Variants in ZPBP observed in about 807,000 individuals in gnomAD.
ZPBP encodes zona pellucida-binding protein 1.
ZPBP carries 26 observed loss-of-function variants against 44.8 expected under a neutral mutation model. The ratio of observed to expected loss-of-function variants is 0.58; its 90% CI spans 0.43 to 0.81. The LOEUF is 0.81. Among genes scored for constraint, ZPBP ranks in the 30% least tolerant of loss-of-function variants. ZPBP has a pLI of 0.00. For missense variants in ZPBP, 409 were observed against 434.0 expected, an observed-to-expected ratio of 0.94 and a Z score of 0.51; for synonymous variants, 174 against 153.2, an observed-to-expected ratio of 1.14 and a Z score of -1.00.
chr7:50,016,266 T>C (rs66887027), intron 6 of ZPBP, among the ~76,000 whole-genome samples: 43,907 of 152,074 alleles, frequency 0.29, 6,992 homozygotes, highest in Non-Finnish European at 0.37. Context: ...TGCAGCAACA[T>C]GAATGCAGCT....
downstream of ZPBP, among the ~76,000 whole-genome samples, chr7:49,847,492 G>T (rs112009281): frequency 2.5e-3 from 379 of 152,172 alleles, 4 homozygotes; most frequent in African/African-American, 8.6e-3. Flanking sequence ...AAGGGCAAGG[G>T]TTTGAAAATG....
chr7:49,854,521 G>A (rs1790333869), intron 2 of ZPBP, among the ~76,000 whole-genome samples: 1 of 152,158 alleles, frequency 6.6e-6, no homozygotes, highest in African/African-American at 2.4e-5. Context: ...CTTTTGAGAA[G>A]TGTCTGTTCA....
chr7:49,894,745 A>C (rs1228382956), intron 2 of ZPBP, among the ~76,000 whole-genome samples: 1 of 152,186 alleles, frequency 6.6e-6, no homozygotes, highest in Non-Finnish European at 1.5e-5. Context: ...ACACAGGAGC[A>C]GCCAGGAGGG....
chr7:49,974,989 C>G (rs1435174352), intron 7 of ZPBP, among the ~76,000 whole-genome samples: 3 of 152,066 alleles, frequency 2.0e-5, no homozygotes, highest in African/African-American at 7.2e-5. Flanking sequence ...ACCCACTTTG[C>G]TTTTATCCTC....
At chr7:49,857,530 C>T (rs549869909) in intron 2 of ZPBP, among the ~76,000 whole-genome samples, 20 of 150,744 alleles carry the variant, frequency 1.3e-4, no homozygotes, top group Middle Eastern at 3.4e-3. Context: ...TACAGATGGC[C>T]GACAGGTAGA....
chr7:49,863,733 C>A (rs1790763613), intron 2 of ZPBP, among the ~76,000 whole-genome samples: 2 of 152,084 alleles, frequency 1.3e-5, no homozygotes, highest in South Asian at 4.1e-4. Context: ...ACCTGGTCTG[C>A]TTTTCTATTC....
At chr7:49,874,121 C>T (rs559858639) in intron 2 of ZPBP, among the ~76,000 whole-genome samples, 5 of 152,166 alleles carry the variant, frequency 3.3e-5, no homozygotes, top group South Asian at 2.1e-4. Flanking sequence ...AAAGGATGCC[C>T]TTGCTCTATG....
chr7:50,005,247 A>G (rs1282016071), intron 6 of ZPBP, among the ~76,000 whole-genome samples: 2 of 152,066 alleles, frequency 1.3e-5, no homozygotes, highest in African/African-American at 4.8e-5. Context: ...GAGGAAGTTA[A>G]TTACCACCAG....
intron 6 of ZPBP, among the ~76,000 whole-genome samples, chr7:49,990,008 C>A (rs1366958889): frequency 2.0e-5 from 3 of 152,136 alleles, no homozygotes; most frequent in Admixed American, 1.3e-4. Context: ...TTCACCTTAG[C>A]ATTCAGTTTA....
intron 4 of ZPBP, among the ~76,000 whole-genome samples, chr7:50,050,639 T>C (rs1800641217): frequency 6.6e-6 from 1 of 151,482 alleles, no homozygotes; most frequent in African/African-American, 2.4e-5. Flanking sequence ...CATAGTTAAA[T>C]ATAAAAAGGA....
At chr7:49,997,667 C>A (rs146961584) in intron 6 of ZPBP, among the ~76,000 whole-genome samples, 1,775 of 152,240 alleles carry the variant, frequency 0.012, 21 homozygotes, top group Admixed American at 0.023. Flanking sequence ...GGATTAATCA[C>A]CTCAGAGGGA....
intron 7 of ZPBP, among the ~76,000 whole-genome samples, chr7:49,967,709 G>A (rs1258958456): frequency 6.6e-6 from 1 of 152,036 alleles, no homozygotes; most frequent in Non-Finnish European, 1.5e-5. Context: ...ACCACGCATG[G>A]CTAATTTTGT....
chr7:49,894,147 T>C (rs558528341), intron 2 of ZPBP, among the ~76,000 whole-genome samples: 1 of 123,100 alleles, frequency 8.1e-6, no homozygotes, highest in Admixed American at 8.0e-5. Context: ...GTGTGTCGTT[T>C]CTAGGCTTTT....
chr7:49,987,280 T>C (rs1398540789), intron 6 of ZPBP, among the ~76,000 whole-genome samples: 1 of 152,138 alleles, frequency 6.6e-6, no homozygotes, highest in Non-Finnish European at 1.5e-5. Flanking sequence ...AAGTTATAAG[T>C]ATATTTAAAA....
chr7:50,088,758 AC>A (rs1003328552), intron 2 of ZPBP, among the ~76,000 whole-genome samples: 2 of 151,992 alleles, frequency 1.3e-5, no homozygotes, highest in African/African-American at 2.4e-5. Flanking sequence ...ATGGATAATA[AC>A]AATGTTTAGG....
intron 6 of ZPBP, among the ~76,000 whole-genome samples, chr7:49,989,753 T>C (rs1797477081): frequency 6.6e-6 from 1 of 152,134 alleles, no homozygotes; most frequent in South Asian, 2.1e-4. Context: ...GTATGGGTAA[T>C]GTAAAAATCT....
chr7:49,923,173 A>G (rs2128747846), intron 1 of ZPBP, among the ~76,000 whole-genome samples: 1 of 152,334 alleles, frequency 6.6e-6, no homozygotes, highest in Middle Eastern at 3.4e-3. Context: ...GATGGAACAG[A>G]AAAACAATGG....
chr7:49,977,050 C>A (rs1049412739), intron 7 of ZPBP, among the ~76,000 whole-genome samples: 1 of 151,174 alleles, frequency 6.6e-6, no homozygotes. Flanking sequence ...TGCAGTGAGC[C>A]GAGATCCCGC....
At chr7:50,045,743 T>C (rs978937081) in intron 4 of ZPBP, among the ~76,000 whole-genome samples, 1 of 152,202 alleles carries the variant, frequency 6.6e-6, no homozygotes, top group Non-Finnish European at 1.5e-5. Context: ...ATAGATTCAA[T>C]GCTATCCCCA....
Sources: gnomAD v4.1 joint callset for allele counts (sites outside exome capture counted in the v4.1 genomes callset) on GRCh38, gnomAD v4.1.1 for gene constraint, MANE v1.5 for transcripts, NCBI Gene and HGNC (gene_info 2026-07-23, HGNC 2026-07-21) for gene names.